The following ADD2 variants were observed in gnomAD, a reference collection of about 807,000 sequenced individuals.
ADD2 encodes the protein beta-adducin.
ADD2 carries 23 observed loss-of-function variants against 83.0 expected under a neutral mutation model. That is an observed-to-expected ratio of 0.28 (90% CI 0.20 to 0.39). The LOEUF is 0.39. Among genes scored for constraint, ADD2 ranks in the 10% least tolerant of loss-of-function variants. ADD2 has a pLI of 1.00. For synonymous variants in ADD2, 375 were observed against 375.4 expected (o/e 1.00, Z 0.01); for missense variants, 758 against 944.9 (o/e 0.80, Z 2.59).
intron 1 of ADD2, among the ~76,000 whole-genome samples, chr2:70,757,927 T>C (rs1674879614): frequency 6.6e-6 from 1 of 152,218 alleles, no homozygotes; most frequent in African/African-American, 2.4e-5. Flanking sequence ...AACATTCAAA[T>C]GCCCTTGTAT....
chr2:70,666,028 A>C (rs192504245), intron 15 of ADD2, among the ~76,000 whole-genome samples: 17 of 152,094 alleles, frequency 1.1e-4, no homozygotes, highest in East Asian at 5.8e-4. Context: ...GTTGGCCAGG[A>C]TGGTCTCGAA....
In ADD2 at chr2:70,677,989, C is replaced by T. The variant is rs1329414928; in HGVS notation, c.1384-112G>A. The T allele has an allele frequency of 2.1e-6, 3 of 1,424,414 alleles. No individual in the cohort carries two copies. The African/African-American group carries it at 4.2e-5, about 20-fold the overall frequency. 88.2% of individuals were successfully genotyped at this position (1,424,414 alleles called of 1,614,324 possible). ...ACATCCTGCATGGAAGGTCAGCAAGCCTACTCATAGACACTCTCTCTTCTT... is the reference window on the plus strand; with the variant it reads ...ACATCCTGCATGGAAGGTCAGCAAGTCTACTCATAGACACTCTCTCTTCTT... On this transcript the variant is annotated intron_variant, in intron 11 of 15. Coordinates refer to ENST00000264436, the MANE Select transcript of ADD2 (RefSeq NM_001617.4).
In ADD2 at chr2:70,706,373, C is replaced by G. The variant is rs1553374487; in HGVS notation, c.36G>C (p.Pro12=). Residue 12 remains proline (P), a synonymous_variant, in exon 3 of 16, where the codon CCG becomes CCC. Coordinates refer to ENST00000264436, the MANE Select transcript of ADD2 (RefSeq NM_001617.4). This position sits in a 1 kb window ranked among gnomAD's most constrained non-coding sequence, Gnocchi z 5.0. The stretch of plus-strand genomic sequence containing the variant: ...AGTAAGGCTGCCCCTGCGGGGGCGG[C>G]GGCGAGGCAGCCTCGGGGACCGTCT... ...SEETVPEAAS[P]PPPQGQPYFD... 7.4e-6 allele frequency: 12 copies of G among 1,610,902 alleles called. No homozygotes were observed. Among genetic ancestry groups the G allele is most frequent in the Non-Finnish European group, 8.5e-6 (10 of 1,178,476 alleles).
At chr2:70,705,847 G>A (rs1671858685) in intron 3 of ADD2, among the ~76,000 whole-genome samples, 1 of 152,186 alleles carries the variant, frequency 6.6e-6, no homozygotes. Flanking sequence ...AGTAAAGGGA[G>A]CCCCAAGCCC....
At chr2:70,763,649 T>C (rs1040288036) in intron 1 of ADD2, among the ~76,000 whole-genome samples, 2 of 151,970 alleles carry the variant, frequency 1.3e-5, no homozygotes, top group African/African-American at 4.8e-5. Context: ...CTTTAAAATA[T>C]CAAAGTAATA....
At chr2:70,697,517 A>G (rs994416336) in intron 4 of ADD2, among the ~76,000 whole-genome samples, 2 of 152,168 alleles carry the variant, frequency 1.3e-5, no homozygotes, top group African/African-American at 2.4e-5. Context: ...ATCAGCATCT[A>G]GGAACTAATA....
intron 1 of ADD2, among the ~76,000 whole-genome samples, chr2:70,762,231 A>AAAAGAAGAAAGCT (rs1180357524): frequency 6.6e-6 from 1 of 151,948 alleles, no homozygotes; most frequent in Non-Finnish European, 1.5e-5. Context: ...AAAATGACGT[A>AAAAGAAGAAAGCT]AAAGAAGAAA....
chr2:70,755,874 C>T (rs1674751602), intron 1 of ADD2, among the ~76,000 whole-genome samples: 1 of 151,944 alleles, frequency 6.6e-6, no homozygotes, highest in Non-Finnish European at 1.5e-5. Flanking sequence ...GCCTGGCCAA[C>T]ATGGTGAAAC....
Position 70,690,941 on chromosome 2 carries a change from A to C in ADD2, c.706-12T>G, listed in dbSNP as rs1553371482. 6.2e-7 allele frequency: 1 copy of C among 1,607,660 alleles called. No homozygotes were observed. Among genetic ancestry groups the C allele is most frequent in the East Asian group, 2.2e-5 (1 of 44,840 alleles). On this transcript the variant is annotated splice_polypyrimidine_tract_variant and intron_variant, in intron 7 of 15. Transcript: ENST00000264436. The stretch of plus-strand genomic sequence containing the variant: ...TTCATGGCCGACACCTTAGAGAGAC[A>C]ATGGCATGGTTAGCACCTGCAGCCC...
chr2:70,722,634 T>A (rs3771439), intron 1 of ADD2, among the ~76,000 whole-genome samples: 45,282 of 152,126 alleles, frequency 0.3, 7,191 homozygotes, highest in African/African-American at 0.41. Flanking sequence ...CAGTACAGTG[T>A]CCTGAGAGCT....
intron 15 of ADD2, among the ~76,000 whole-genome samples, chr2:70,667,657 T>C (rs1553366374): frequency 6.6e-6 from 1 of 152,134 alleles, no homozygotes; most frequent in African/African-American, 2.4e-5. Flanking sequence ...ATTTCGCTCT[T>C]GTCACCCAGG....
In ADD2 at chr2:70,658,810, T is replaced by C. The variant is rs1247841341; in HGVS notation, c.*4615A>G. On this transcript the variant is annotated 3_prime_UTR_variant, in exon 16 of 16. Transcript: ENST00000264436. ...CATTTGTTCACTAGTCAAGAACTGATTACCCTTGTCCCAAAACTAGAACAT... is the reference window on the plus strand; with the variant it reads ...CATTTGTTCACTAGTCAAGAACTGACTACCCTTGTCCCAAAACTAGAACAT... The C allele has an allele frequency of 1.3e-5, 2 of 152,132 alleles. No individual in the cohort carries two copies. The highest frequency in any genetic ancestry group is 2.4e-5 in the African/African-American group (1 of 41,400). The allele number at this position is 152,132 out of a possible 1,614,324, so 9.4% of individuals were successfully genotyped here.
At position 70,696,317 on chromosome 2, in the gene ADD2, C is replaced by A. The variant is rs898093085; in HGVS notation, c.402G>T (p.Arg134=). Residue 134 remains arginine, a synonymous_variant, in exon 5 of 16, where the codon CGG becomes CGT. Transcript: ENST00000264436. ...GTCGGTAGACACTGCTGATCTTGCA[C>A]CGCATGAGCCGCTCCCCTTTGGCCA... ...LNLAKGERLM[R]CKISSVYRLL... 1 of 1,614,012 alleles carries A rather than the reference C, an allele frequency of 6.2e-7. No homozygotes were observed. Among genetic ancestry groups the A allele is most frequent in the Non-Finnish European group, 8.5e-7 (1 of 1,179,988 alleles).
intron 2 of ADD2, among the ~76,000 whole-genome samples, chr2:70,711,842 G>A (rs1236757901): frequency 6.6e-6 from 1 of 152,190 alleles, no homozygotes; most frequent in Non-Finnish European, 1.5e-5. Flanking sequence ...CTGAAGAGGG[G>A]TCATGGGAAC....
At chr2:70,764,813 G>T (rs948846101) in intron 1 of ADD2, among the ~76,000 whole-genome samples, 1 of 151,674 alleles carries the variant, frequency 6.6e-6, no homozygotes, top group African/African-American at 2.4e-5. Flanking sequence ...GCAAGATTCC[G>T]CAAAAAAGAT....
intron 1 of ADD2, among the ~76,000 whole-genome samples, chr2:70,756,255 CT>C: frequency 6.6e-6 from 1 of 152,188 alleles, no homozygotes; most frequent in South Asian, 2.1e-4. Context: ...AGACACAGTT[CT>C]TTTTGGATTT....
rs782279141 is a variant in ADD2 at position 70,661,155 on chromosome 2, G to A, written c.*2270C>T. On this transcript the variant is annotated 3_prime_UTR_variant, in exon 16 of 16. Coordinates refer to ENST00000264436, the MANE Select transcript of ADD2 (RefSeq NM_001617.4). ...GGGAATAGAGTGTGTTGAATGCAGA[G>A]GCAATCAACATCACCCCCGAAGTAG... 4.6e-5 allele frequency: 7 copies of A among 152,244 alleles called. No homozygotes were observed. The South Asian group carries it at 8.3e-4, about 18-fold the overall frequency. The allele number at this position is 152,244 out of a possible 1,614,324, so 9.4% of individuals were successfully genotyped here.
At chr2:70,675,046 G>T in intron 13 of ADD2, 1 of 1,301,870 alleles carries the variant, frequency 7.7e-7, no homozygotes, top group Non-Finnish European at 9.7e-7. Context: ...GAATATAGGG[G>T]GTCCACAGTC....
chr2:70,677,674 T>C, intron 12 of ADD2, 84 bp downstream of exon 12: 1 of 1,548,490 alleles, frequency 6.5e-7, no homozygotes, highest in Non-Finnish European at 8.8e-7. Flanking sequence ...GTCAGGCACA[T>C]CCTGGGAACT....
Sources: gnomAD v4.1 joint callset for allele counts (sites outside exome capture counted in the v4.1 genomes callset) on GRCh38, gnomAD v4.1.1 for gene constraint, Gnocchi (gnomAD v3.1) non-coding constraint, MANE v1.5 for transcripts, NCBI Gene and HGNC (gene_info 2026-07-23, HGNC 2026-07-21) for gene names.